Variants in CDCA2 observed in about 807,000 individuals in gnomAD.
The protein encoded by CDCA2 is cell division cycle-associated protein 2.
In CDCA2, 44 loss-of-function variants were observed where a neutral mutation model predicts 67.0. The ratio of observed to expected loss-of-function variants is 0.66; its 90% CI spans 0.52 to 0.84. The LOEUF (loss-of-function observed/expected upper bound fraction) is 0.84. CDCA2 is among the 40% of genes least tolerant of loss of function. The probability of loss-of-function intolerance (pLI) is 0.00; values close to 1 mark genes in which losing one functional copy is unlikely to be tolerated. For synonymous variants in CDCA2, 447 were observed against 418.7 expected, an observed-to-expected ratio of 1.07 and a Z score of -0.82; for missense variants, 1,253 against 1,203.2, an observed-to-expected ratio of 1.04 and a Z score of -0.61.
At position 25,459,263 on chromosome 8, in the gene CDCA2, G is replaced by C. The variant is rs1434767366; in HGVS notation, c.-211G>C. The stretch of plus-strand genomic sequence containing the variant: ...AGGCTGCCGGGCAGAGCGCAGGCCA[G>C]GATCAGCGCAGGCTGTGAGTCCAGG... On this transcript the variant is annotated 5_prime_UTR_variant, in exon 1 of 15. Transcript: ENST00000330560. 2 of 152,462 alleles carry C rather than the reference G, an allele frequency of 1.3e-5. No homozygotes were observed. The highest frequency in any genetic ancestry group is 2.9e-5 in the Non-Finnish European group (2 of 68,244). The allele number at this position is 152,462 out of a possible 1,614,324, so 9.4% of individuals were successfully genotyped here.
At chr8:25,471,357 T>TTTCTTCTTC (rs60138416) in intron 7 of CDCA2, among the ~76,000 whole-genome samples, 7,622 of 151,154 alleles carry the variant, frequency 0.05, 233 homozygotes, top group South Asian at 0.13. Flanking sequence ...CAATGTTTTC[T>TTTCTTCTTC]TTCTTCTTCT....
chr8:25,491,674 T>C (rs1193162870), intron 13 of CDCA2, among the ~76,000 whole-genome samples: 1 of 152,210 alleles, frequency 6.6e-6, no homozygotes, highest in African/African-American at 2.4e-5. Context: ...TGGAGTGTAG[T>C]GCTGTGGTCA....
intron 7 of CDCA2, among the ~76,000 whole-genome samples, chr8:25,474,829 G>A (rs1056960490): frequency 1.3e-5 from 2 of 152,196 alleles, no homozygotes; most frequent in Non-Finnish European, 2.9e-5. Context: ...CCCATAGGGT[G>A]GGCAGGGCCT....
chr8:25,493,085 A>T (rs974876515), intron 13 of CDCA2, among the ~76,000 whole-genome samples: 1 of 152,256 alleles, frequency 6.6e-6, no homozygotes, highest in Non-Finnish European at 1.5e-5. Flanking sequence ...GTGCCTGGCC[A>T]TAGTAAGCTT....
At chr8:25,495,214 C>T (rs77731600) in intron 13 of CDCA2, among the ~76,000 whole-genome samples, 126 of 152,218 alleles carry the variant, frequency 8.3e-4, no homozygotes, top group Non-Finnish European at 1.5e-3. Context: ...AGCTAGACTT[C>T]GTTAAGTGTG....
chr8:25,461,949 A>C (rs1034420371), intron 3 of CDCA2, 105 bp from the exon 4 acceptor site: 2 of 1,118,332 alleles, frequency 1.8e-6, no homozygotes, highest in African/African-American at 3.1e-5. Flanking sequence ...TTTGTAGCAC[A>C]TGTTTATCAT....
chr8:25,492,137 G>C lies in CDCA2; in HGVS notation c.1671+3448G>C, dbSNP rs186391833. On this transcript the variant is annotated intron_variant, in intron 13 of 14. Transcript: ENST00000330560. The stretch of plus-strand genomic sequence containing the variant: ...CTTTCTTGAAGCAGCGGGGGGTTGG[G>C]GGGTCTCACCTTGTTGCCCAGGCTG... Among the ~76,000 whole-genome samples the C allele has an allele frequency of 3.3e-5, 5 of 151,614 alleles. No homozygotes were observed. In the East Asian group the frequency reaches 9.7e-4, roughly 29 times the overall value.
Position 25,503,371 on chromosome 8 carries a change from A to T in CDCA2, c.1672-2A>T. The T allele has an allele frequency of 6.2e-7, 1 of 1,609,734 alleles. No homozygotes were observed. Among genetic ancestry groups the T allele is most frequent in the Non-Finnish European group, 8.5e-7 (1 of 1,175,946 alleles). On this transcript the variant is annotated splice_acceptor_variant, in intron 13 of 14. Transcript: ENST00000330560. LOFTEE classifies it high-confidence loss of function. ...TTGCAATGTTTTAATGCATTTTCTC[A>T]GGTTTTAAAAAGTTGCAGAAAGAAG...
intron 8 of CDCA2, among the ~76,000 whole-genome samples, chr8:25,481,456 C>T (rs1174359135): frequency 6.6e-6 from 1 of 151,886 alleles, no homozygotes; most frequent in African/African-American, 2.4e-5. Flanking sequence ...TTTGGGAGGC[C>T]GAGGCAGGTG....
chr8:25,490,381 G>C (rs1803954600), intron 13 of CDCA2, among the ~76,000 whole-genome samples: 1 of 151,844 alleles, frequency 6.6e-6, no homozygotes, highest in South Asian at 2.1e-4. Flanking sequence ...AGCAATGAGA[G>C]GAGGAAAGGG....
chr8:25,487,276 A>T lies in CDCA2; in HGVS notation c.1475A>T (p.His492Leu), dbSNP rs1035019882. 1 of 1,611,840 alleles carries T rather than the reference A, an allele frequency of 6.2e-7. No homozygotes were observed. The highest frequency in any genetic ancestry group is 2.2e-5 in the East Asian group (1 of 44,840). ...GTDTFSSSNN[H>L]EKISSPKVGR... ...GATACCTTTAGTTCTTCAAATAACC[A>T]TGAGAAAATATCCTCTCCTAAAGTT... The change falls in exon 12 of 15, where the codon CAT (histidine) becomes CTT (leucine). Residue 492 changes from histidine to leucine, a missense_variant. Transcript: ENST00000330560.
intron 8 of CDCA2, among the ~76,000 whole-genome samples, chr8:25,482,804 G>A (rs1803622930): frequency 6.6e-6 from 1 of 152,156 alleles, no homozygotes; most frequent in Non-Finnish European, 1.5e-5. Context: ...TGGGTGACAG[G>A]TTGCAGTGAC....
chr8:25,505,009 A>C (rs1804621976), intron 14 of CDCA2, among the ~76,000 whole-genome samples: 2 of 152,132 alleles, frequency 1.3e-5, no homozygotes, highest in African/African-American at 4.8e-5. Context: ...TAGAGAATTT[A>C]TTTTTTAAAA....
chr8:25,468,365 T>C lies in CDCA2; in HGVS notation c.687T>C (p.Ile229=), dbSNP rs781383102. The C allele has an allele frequency of 1.9e-6, 3 of 1,613,824 alleles. No homozygotes were observed. Among genetic ancestry groups the C allele is most frequent in the South Asian group, 1.1e-5 (1 of 91,054 alleles). Reference sequence around the variant, plus strand: ...TAATTGGTCTCCAGATATTCAATATTGATACAGACAGAGCATGTGCAGTTG... The same window carrying C: ...TAATTGGTCTCCAGATATTCAATATCGATACAGACAGAGCATGTGCAGTTG... ...GKVIGLQIFN[I]DTDRACAVET... The change falls in exon 6 of 15, where the codon ATT becomes ATC. Residue 229 remains isoleucine (I), a synonymous_variant. Coordinates refer to ENST00000330560, the MANE Select transcript of CDCA2 (RefSeq NM_152562.4).
intron 4 of CDCA2, among the ~76,000 whole-genome samples, chr8:25,464,972 G>GAT (rs201258069): frequency 7.9e-5 from 12 of 151,812 alleles, no homozygotes; most frequent in Admixed American, 5.3e-4. Context: ...TTCTCCCTGT[G>GAT]ATATATATAT....
chr8:25,476,253 GT>G (rs1384053137), intron 7 of CDCA2, among the ~76,000 whole-genome samples: 1 of 152,184 alleles, frequency 6.6e-6, no homozygotes, highest in Non-Finnish European at 1.5e-5. Flanking sequence ...TCACTCCAGT[GT>G]TTTTGTTTTA....
intron 14 of CDCA2, among the ~76,000 whole-genome samples, chr8:25,504,564 A>T (rs1359924804): frequency 6.6e-6 from 1 of 152,272 alleles, no homozygotes; most frequent in African/African-American, 2.4e-5. Flanking sequence ...TTAATAATAG[A>T]CTTGAGGATG....
rs1359260283 is a variant in CDCA2, at chr8:25,462,093, C to A, written c.272C>A (p.Ser91Tyr). 1.2e-6 allele frequency: 2 copies of A among 1,614,204 alleles called. No individual in the cohort carries two copies. The highest frequency in any genetic ancestry group is 2.2e-5 in the East Asian group (1 of 44,882). ...TACCTTAAAAAATGTAGACGACGTT[C>A]TGCAGTCGGTGCTCGGGGCTCTCCT... Reference protein sequence around the residue: ...SSYLKKCRRRSAVGARGSPET... With the variant: ...SSYLKKCRRRYAVGARGSPET... Residue 91 changes from serine (S) to tyrosine (Y), a missense_variant, in exon 4 of 15, where the codon TCT becomes TAT. Physicochemically the swap from Ser to Tyr is moderately radical, Grantham distance 144. Coordinates refer to ENST00000330560, the MANE Select transcript of CDCA2 (RefSeq NM_152562.4).
At chr8:25,476,845 C>T (rs530082961) in intron 7 of CDCA2, among the ~76,000 whole-genome samples, 7 of 152,150 alleles carry the variant, frequency 4.6e-5, no homozygotes, top group Admixed American at 3.3e-4. Context: ...TGAGCCACCA[C>T]GCCTGGCCTC....
Sources: allele counts gnomAD v4.1 joint callset (sites outside exome capture counted in the v4.1 genomes callset), GRCh38; gene constraint gnomAD v4.1.1; transcripts MANE v1.5; gene names NCBI Gene and HGNC (gene_info 2026-07-23, HGNC 2026-07-21).